CAMKMT: variants seen among roughly 807,000 people sequenced by gnomAD.
CAMKMT encodes calmodulin-lysine N-methyltransferase, also known as CaM KMT.
CAMKMT carries 53 observed loss-of-function variants against 48.0 expected under a neutral mutation model. The observed-to-expected ratio is 1.10, with a 90% CI of 0.89 to 1.39. The LOEUF (loss-of-function observed/expected upper bound fraction) is 1.39. CAMKMT is among the 40% of genes most tolerant of loss of function. CAMKMT has a pLI of 0.00. For synonymous variants in CAMKMT, 165 were observed against 152.3 expected (o/e 1.08, Z -0.61); for missense variants, 428 against 402.7 (o/e 1.06, Z -0.54).
chr2:44,698,578 A>G (rs1346660995), intron 3 of CAMKMT, among the ~76,000 whole-genome samples: 2 of 152,236 alleles, frequency 1.3e-5, no homozygotes, highest in African/African-American at 2.4e-5. Flanking sequence ...CTTTATTGCT[A>G]AAAAATACTA....
intron 2 of CAMKMT, among the ~76,000 whole-genome samples, chr2:44,375,453 A>G (rs546611829): frequency 4.3e-4 from 66 of 152,112 alleles, no homozygotes; most frequent in African/African-American, 1.5e-3. Flanking sequence ...AATAATAAAA[A>G]TAATTAAATA....
chr2:44,602,381 A>T (rs911647510), intron 3 of CAMKMT, among the ~76,000 whole-genome samples: 2 of 152,098 alleles, frequency 1.3e-5, no homozygotes, highest in African/African-American at 4.8e-5. Flanking sequence ...AATGCACCAT[A>T]ATTTACTCAA....
At chr2:44,724,583 A>G (rs1419358248) in intron 7 of CAMKMT, among the ~76,000 whole-genome samples, 1 of 152,202 alleles carries the variant, frequency 6.6e-6, no homozygotes, top group Non-Finnish European at 1.5e-5. Context: ...TGCTCAGATG[A>G]GTAAACTGAA....
chr2:44,583,224 G>T (rs1461044764), intron 3 of CAMKMT, among the ~76,000 whole-genome samples: 2 of 152,130 alleles, frequency 1.3e-5, no homozygotes, highest in African/African-American at 4.8e-5. Context: ...ATGCCTACTA[G>T]CTATGAGGCA....
chr2:44,662,988 A>C (rs1036069372), intron 3 of CAMKMT, among the ~76,000 whole-genome samples: 2 of 152,256 alleles, frequency 1.3e-5, no homozygotes, highest in Admixed American at 6.5e-5. Flanking sequence ...TACACATATA[A>C]ATAATTACAT....
intron 3 of CAMKMT, among the ~76,000 whole-genome samples, chr2:44,580,737 G>C (rs1669509906): frequency 6.6e-6 from 1 of 152,132 alleles, no homozygotes; most frequent in Non-Finnish European, 1.5e-5. Flanking sequence ...GTATCATCAT[G>C]AATGTTGTTA....
At chr2:44,409,207 A>G (rs1683022620) in intron 3 of CAMKMT, among the ~76,000 whole-genome samples, 2 of 144,594 alleles carry the variant, frequency 1.4e-5, no homozygotes, top group Non-Finnish European at 3.0e-5. Flanking sequence ...AAAGACAACT[A>G]GCCAAAATTC....
chr2:44,555,266 T>A (rs1407911286), intron 3 of CAMKMT, among the ~76,000 whole-genome samples: 1 of 152,146 alleles, frequency 6.6e-6, no homozygotes, highest in Non-Finnish European at 1.5e-5. Flanking sequence ...AAAAACTGAT[T>A]GAGACCTTAA....
intron 7 of CAMKMT, among the ~76,000 whole-genome samples, chr2:44,740,733 A>T (rs1487819116): frequency 6.6e-6 from 1 of 152,180 alleles, no homozygotes; most frequent in Non-Finnish European, 1.5e-5. Context: ...TTTAACAAAT[A>T]CGAGGAAGTA....
At chr2:44,458,435 C>A (rs186634890) in intron 3 of CAMKMT, among the ~76,000 whole-genome samples, 1 of 152,078 alleles carries the variant, frequency 6.6e-6, no homozygotes, top group Non-Finnish European at 1.5e-5. Context: ...ATATTTCACA[C>A]GGTTAAATGA....
At chr2:44,591,552 G>C (rs551588176) in intron 3 of CAMKMT, among the ~76,000 whole-genome samples, 40 of 151,280 alleles carry the variant, frequency 2.6e-4, no homozygotes, top group African/African-American at 9.4e-4. Flanking sequence ...TTGGCTCTCT[G>C]TTTGTCTGTT....
chr2:44,689,232 C>T (rs914302100), intron 3 of CAMKMT, among the ~76,000 whole-genome samples: 7 of 151,944 alleles, frequency 4.6e-5, no homozygotes, highest in African/African-American at 1.7e-4. Flanking sequence ...GCTGCTCTTA[C>T]GTGCCTTTTC....
chr2:44,510,881 C>T (rs755971427), intron 3 of CAMKMT, among the ~76,000 whole-genome samples: 2 of 151,976 alleles, frequency 1.3e-5, no homozygotes, highest in African/African-American at 4.8e-5. Context: ...TGCTGTGTTG[C>T]CCAGGCTGGA....
At chr2:44,532,421 T>C (rs1666536369) in intron 3 of CAMKMT, among the ~76,000 whole-genome samples, 2 of 152,204 alleles carry the variant, frequency 1.3e-5, no homozygotes, top group Non-Finnish European at 1.5e-5. Flanking sequence ...TAAGGAAAGT[T>C]TGAATATCTG....
intron 3 of CAMKMT, among the ~76,000 whole-genome samples, chr2:44,505,145 GC>G (rs1670195943): frequency 1.3e-5 from 2 of 152,080 alleles, no homozygotes; most frequent in South Asian, 4.2e-4. Context: ...CTCACGTTAG[GC>G]CCCACCTCCA....
intron 3 of CAMKMT, among the ~76,000 whole-genome samples, chr2:44,498,606 C>T (rs1168588774): frequency 1.3e-5 from 2 of 152,128 alleles, no homozygotes; most frequent in African/African-American, 2.4e-5. Flanking sequence ...AAGAGGTTGG[C>T]TTATTCAACT....
chr2:44,676,009 T>C (rs1481352398), intron 3 of CAMKMT, among the ~76,000 whole-genome samples: 1 of 152,242 alleles, frequency 6.6e-6, no homozygotes, highest in African/African-American at 2.4e-5. Flanking sequence ...AGAATTTCTT[T>C]CGTTTTTAAG....
chr2:44,564,204 C>G (rs1285038711), intron 3 of CAMKMT, among the ~76,000 whole-genome samples: 1 of 146,882 alleles, frequency 6.8e-6, no homozygotes, highest in Non-Finnish European at 1.5e-5. Context: ...GAGACGGAAT[C>G]TCACTCTCTT....
chr2:44,416,737 G>A (rs923221622), intron 3 of CAMKMT, among the ~76,000 whole-genome samples: 13 of 151,404 alleles, frequency 8.6e-5, no homozygotes, highest in Middle Eastern at 6.8e-3. Flanking sequence ...ACCACACCCG[G>A]CTAATTTTTG....
Sources: allele counts gnomAD v4.1 joint callset (sites outside exome capture counted in the v4.1 genomes callset), GRCh38; gene constraint gnomAD v4.1.1; transcripts MANE v1.5; gene names NCBI Gene and HGNC (gene_info 2026-07-23, HGNC 2026-07-21).